IMMP2L: variants seen among roughly 807,000 people sequenced by gnomAD.
The protein encoded by IMMP2L is mitochondrial inner membrane protease subunit 2.
IMMP2L carries 18 observed loss-of-function variants against 19.3 expected under a neutral mutation model. The observed-to-expected ratio is 0.93, with a 90% CI of 0.64 to 1.38. IMMP2L has a LOEUF of 1.38. Among genes scored for constraint, IMMP2L ranks in the 40% most tolerant of loss-of-function variants. The pLI, the probability that IMMP2L is intolerant of heterozygous loss-of-function variation, is 0.00. For synonymous variants in IMMP2L, 76 were observed against 73.0 expected (o/e 1.04, Z -0.21); for missense variants, 233 against 218.2 (o/e 1.07, Z -0.43).
At chr7:111,118,211 T>C (rs532516775) in intron 3 of IMMP2L, among the ~76,000 whole-genome samples, 1 of 152,236 alleles carries the variant, frequency 6.6e-6, no homozygotes, top group South Asian at 2.1e-4. Context: ...ATATTTTATC[T>C]TATTTATTGC....
At chr7:111,021,770 C>T (rs1826302981) in intron 3 of IMMP2L, among the ~76,000 whole-genome samples, 4 of 152,184 alleles carry the variant, frequency 2.6e-5, no homozygotes, top group Admixed American at 1.3e-4. Flanking sequence ...GTAATCCCAG[C>T]TACTCAGGAG....
chr7:111,464,576 A>G (rs1840437249), intron 3 of IMMP2L, among the ~76,000 whole-genome samples: 1 of 152,162 alleles, frequency 6.6e-6, no homozygotes, highest in African/African-American at 2.4e-5. Flanking sequence ...TATTAAATCA[A>G]TTAATCTATA....
At chr7:111,207,554 T>C (rs892379003) in intron 3 of IMMP2L, among the ~76,000 whole-genome samples, 2 of 147,560 alleles carry the variant, frequency 1.4e-5, no homozygotes, top group Non-Finnish European at 3.0e-5. Context: ...TTTTTTTTTT[T>C]TTTGAGACAG....
chr7:110,690,976 A>C (rs1793456926), intron 5 of IMMP2L, among the ~76,000 whole-genome samples: 1 of 152,126 alleles, frequency 6.6e-6, no homozygotes, highest in Admixed American at 6.5e-5. Flanking sequence ...ACAGTCCCCA[A>C]ATTAATATGG....
intron 5 of IMMP2L, among the ~76,000 whole-genome samples, chr7:110,824,080 C>T (rs1803257415): frequency 6.6e-6 from 1 of 152,126 alleles, no homozygotes; most frequent in Admixed American, 6.6e-5. Flanking sequence ...GCAATACTTA[C>T]ATTATAAACA....
chr7:111,309,350 A>G (rs1823246240), intron 3 of IMMP2L, among the ~76,000 whole-genome samples: 2 of 152,158 alleles, frequency 1.3e-5, no homozygotes, highest in African/African-American at 4.8e-5. Flanking sequence ...TAAATGTTAT[A>G]TGGCCAGTTT....
intron 3 of IMMP2L, among the ~76,000 whole-genome samples, chr7:111,440,710 C>A (rs1837626999): frequency 1.3e-5 from 2 of 151,870 alleles, no homozygotes; most frequent in African/African-American, 4.9e-5. Flanking sequence ...ACAACAAAGT[C>A]AGACTGTCCT....
chr7:111,124,794 T>C, intron 3 of IMMP2L: 1 of 1,613,490 alleles, frequency 6.2e-7, no homozygotes, highest in South Asian at 1.1e-5. Flanking sequence ...TTGCATTAGG[T>C]GAGCTTTATC....
At chr7:111,275,463 A>G (rs1287725948) in intron 3 of IMMP2L, among the ~76,000 whole-genome samples, 1 of 152,170 alleles carries the variant, frequency 6.6e-6, no homozygotes, top group African/African-American at 2.4e-5. Flanking sequence ...TCACACTCCA[A>G]AAACAGTTGT....
At chr7:110,943,914 C>T (rs1016084687) in intron 4 of IMMP2L, among the ~76,000 whole-genome samples, 1 of 152,040 alleles carries the variant, frequency 6.6e-6, no homozygotes, top group Admixed American at 6.6e-5. Context: ...CTTTCCTTAA[C>T]CTTCAGCAAC....
At chr7:110,837,456 T>C (rs966455156) in intron 5 of IMMP2L, among the ~76,000 whole-genome samples, 1 of 152,058 alleles carries the variant, frequency 6.6e-6, no homozygotes, top group African/African-American at 2.4e-5. Flanking sequence ...TATGTGTCTA[T>C]CTTCATATTA....
At position 110,876,400 on chromosome 7, in the gene IMMP2L, C is replaced by T. The variant is rs145385766; in HGVS notation, c.408+10193G>A. ...CTTTGATGGAATATTTGCCTATAAG[C>T]TTAAGGAGTCATGAACAAGACTGGA... On this transcript the variant is annotated intron_variant, in intron 5 of 5. Coordinates refer to ENST00000405709, the MANE Select transcript of IMMP2L (RefSeq NM_032549.4). Among the ~76,000 whole-genome samples, 740 of 152,124 alleles carry T rather than the reference C, an allele frequency of 4.9e-3. 8 individuals are homozygous for T. The highest frequency in any genetic ancestry group is 0.017 in the African/African-American group (703 of 41,520).
chr7:111,352,264 A>T (rs1455226311), intron 3 of IMMP2L, among the ~76,000 whole-genome samples: 1 of 152,056 alleles, frequency 6.6e-6, no homozygotes, highest in Non-Finnish European at 1.5e-5. Context: ...CAAAGACACA[A>T]TTATAGCCCA....
At chr7:110,970,985 T>A (rs1226395669) in intron 3 of IMMP2L, among the ~76,000 whole-genome samples, 2 of 152,140 alleles carry the variant, frequency 1.3e-5, no homozygotes, top group African/African-American at 4.8e-5. Flanking sequence ...CAAAACACCC[T>A]GAAAGAGCAA....
intron 3 of IMMP2L, among the ~76,000 whole-genome samples, chr7:111,043,900 T>C (rs996812163): frequency 2.0e-5 from 3 of 152,256 alleles, no homozygotes; most frequent in Non-Finnish European, 4.4e-5. Flanking sequence ...CTAATAATTT[T>C]GTCAGCTCTT....
At chr7:111,393,009 G>A (rs780176984) in intron 3 of IMMP2L, 7 of 350,126 alleles carry the variant, frequency 2.0e-5, no homozygotes, top group Non-Finnish European at 3.4e-5. Context: ...TTACATAAGC[G>A]TTATTCATTA....
intron 5 of IMMP2L, among the ~76,000 whole-genome samples, chr7:110,696,504 G>A (rs1036639606): frequency 5.1e-5 from 7 of 136,632 alleles, no homozygotes; most frequent in East Asian, 4.7e-4. Context: ...TCGGCCCACC[G>A]CAATCTCGGC....
intron 3 of IMMP2L, among the ~76,000 whole-genome samples, chr7:111,434,746 G>A (rs1014052552): frequency 1.3e-5 from 2 of 151,672 alleles, no homozygotes; most frequent in African/African-American, 4.9e-5. Flanking sequence ...TAGAGACAGG[G>A]TTTTAACATG....
At chr7:110,786,124 G>GT (rs1159716298) in intron 5 of IMMP2L, among the ~76,000 whole-genome samples, 1 of 151,730 alleles carries the variant, frequency 6.6e-6, no homozygotes, top group East Asian at 1.9e-4. Flanking sequence ...TAACTAACAT[G>GT]TTTTCATGTT....
Sources: gnomAD v4.1 joint callset for allele counts (sites outside exome capture counted in the v4.1 genomes callset) on GRCh38, gnomAD v4.1.1 for gene constraint, MANE v1.5 for transcripts, NCBI Gene and HGNC (gene_info 2026-07-23, HGNC 2026-07-21) for gene names.